Variants in ANGPTL6 observed in about 807,000 individuals in gnomAD.
ANGPTL6 encodes the protein angiopoietin-related protein 6.
In ANGPTL6, 45 loss-of-function variants were observed where a neutral mutation model predicts 47.4. The observed-to-expected ratio is 0.95, with a 90% CI of 0.75 to 1.22. The LOEUF (loss-of-function observed/expected upper bound fraction) is 1.22, where lower values mean the gene tolerates loss of function less well. Among genes scored for constraint, ANGPTL6 ranks in the 50% most tolerant of loss-of-function variants. The pLI is 0.00. For synonymous variants in ANGPTL6, 290 were observed against 295.9 expected, an observed-to-expected ratio of 0.98 and a Z score of 0.20; for missense variants, 698 against 669.4, an observed-to-expected ratio of 1.04 and a Z score of -0.47.
chr19:10,100,478 C>T (rs1443641919), intron 1 of ANGPTL6, among the ~76,000 whole-genome samples: 1 of 152,172 alleles, frequency 6.6e-6, no homozygotes, highest in Admixed American at 6.6e-5. Flanking sequence ...TCAAGTGATC[C>T]TCCCACCTTG....
Position 10,102,654 on chromosome 19 carries a change from G to A in ANGPTL6, c.-97C>T, listed in dbSNP as rs953705225. On this transcript the variant is annotated 5_prime_UTR_variant, in exon 1 of 6. Transcript: ENST00000253109. ...GAGCCGAGGGTCCAGTGGGGCCTCT[G>A]AGCTAGAGACGGGGAGAGGGCAGTG... The A allele has an allele frequency of 2.0e-6, 2 of 984,878 alleles. No homozygotes were observed. The highest frequency in any genetic ancestry group is 2.4e-6 in the Non-Finnish European group (2 of 829,536). 61.0% of individuals were successfully genotyped at this position (984,878 alleles called of 1,614,324 possible).
chr19:10,103,962 C>T (rs190538854), upstream of ANGPTL6, among the ~76,000 whole-genome samples: 4 of 150,478 alleles, frequency 2.7e-5, no homozygotes, highest in Non-Finnish European at 4.4e-5. Flanking sequence ...GTGTGGTGGC[C>T]CATGCCTGTA....
At chr19:10,094,506 A>C (rs1438680796) in intron 3 of ANGPTL6, 1 of 545,174 alleles carries the variant, frequency 1.8e-6, no homozygotes, top group Non-Finnish European at 3.2e-6. Flanking sequence ...TAAGTCCTGA[A>C]TATGATACTC....
At chr19:10,104,062 A>G (rs996206363), upstream of ANGPTL6, among the ~76,000 whole-genome samples, 1 of 147,416 alleles carries the variant, frequency 6.8e-6, no homozygotes, top group Non-Finnish European at 1.5e-5. Flanking sequence ...AGCCTGGGCG[A>G]CAGAGTAAGA....
chr19:10,102,396 C>A (rs1439873047), intron 1 of ANGPTL6, among the ~76,000 whole-genome samples, 172 bp downstream of exon 1: 1 of 151,382 alleles, frequency 6.6e-6, no homozygotes, highest in Non-Finnish European at 1.5e-5. Context: ...TGCCCCACCC[C>A]CCACAACAGA....
rs924573608 is a variant in ANGPTL6 at position 10,093,713 on chromosome 19, TGAA to T, written c.928_930del (p.Phe310del). On this transcript the variant is annotated inframe_deletion, in exon 4 of 6. Coordinates refer to ENST00000253109, the MANE Select transcript of ANGPTL6 (RefSeq NM_031917.3). ...CCCACCTTATAGTGCTGCCAGGTAG[TGAA>T]GAAGTTGACTGAACCATCTTGCCTC... is the stretch of plus-strand genomic sequence containing the variant. 5.0e-6 allele frequency: 8 copies of T among 1,614,240 alleles called. No individual in the cohort carries two copies. Among genetic ancestry groups the T allele is most frequent in the Non-Finnish European group, 6.8e-6 (8 of 1,180,042 alleles).
chr19:10,103,881 T>C (rs1176955088), upstream of ANGPTL6, among the ~76,000 whole-genome samples: 1 of 150,408 alleles, frequency 6.6e-6, no homozygotes, highest in African/African-American at 2.4e-5. Flanking sequence ...GATCACGAGG[T>C]CAGCAATTCG....
At position 10,092,564 on chromosome 19, in the gene ANGPTL6, G is replaced by A. The variant is rs1386100935; in HGVS notation, c.*25C>T. On this transcript the variant is annotated 3_prime_UTR_variant, in exon 6 of 6. Transcript: ENST00000253109. Reference sequence around the variant, plus strand: ...CTCCTGCTGACCAATGTCCTCTAGGGCCTAGGGGACAGAGGAACACAGAGT... The same window carrying A: ...CTCCTGCTGACCAATGTCCTCTAGGACCTAGGGGACAGAGGAACACAGAGT... The A allele has an allele frequency of 6.3e-7, 1 of 1,583,962 alleles. No individual in the cohort carries two copies. Among genetic ancestry groups the A allele is most frequent in the African/African-American group, 1.3e-5 (1 of 74,452 alleles).
At chr19:10,101,081 C>T (rs2088665891) in intron 1 of ANGPTL6, among the ~76,000 whole-genome samples, 3 of 151,986 alleles carry the variant, frequency 2.0e-5, no homozygotes, top group East Asian at 3.9e-4. Flanking sequence ...TAGTGGCACG[C>T]GCCTGTAGTC....
Position 10,096,097 on chromosome 19 carries a change from C to T in ANGPTL6, c.467G>A (p.Arg156Gln). Residue 156 changes from arginine (R) to glutamine (Q), a missense_variant, in exon 2 of 6, where the codon CGG becomes CAG. Coordinates refer to ENST00000253109, the MANE Select transcript of ANGPTL6 (RefSeq NM_031917.3). ...GAACTTGACGTCCAGCTGGTGGAACCGGGCGGCTGCGCGCTGAGCCTCGGC... is the reference window on the plus strand; with the variant it reads ...GAACTTGACGTCCAGCTGGTGGAACTGGGCGGCTGCGCGCTGAGCCTCGGC... ...ASAEAQRAAA[R>Q]FHQLDVKFRE... The T allele has an allele frequency of 6.7e-7, 1 of 1,489,944 alleles. No individual in the cohort carries two copies. Among genetic ancestry groups the T allele is most frequent in the Non-Finnish European group, 8.9e-7 (1 of 1,122,178 alleles). The allele number at this position is 1,489,944 out of a possible 1,614,324, so 92.3% of individuals were successfully genotyped here.
Position 10,092,511 on chromosome 19 carries a change from AAAG to A in ANGPTL6, c.*75_*77del. 1 of 1,532,860 alleles carries A rather than the reference AAAG, an allele frequency of 6.5e-7. No homozygotes were observed. The allele number at this position is 1,532,860 out of a possible 1,614,324, so 95.0% of individuals were successfully genotyped here. A position where few individuals can be genotyped will look rare whatever the true frequency, so the allele number is the denominator to read the frequency against. ...GTGGGACACATTGGCACTGAGCCAC[AAAG>A]AAGGTGTGGCCAGAACAACTTGGGC... On this transcript the variant is annotated 3_prime_UTR_variant, in exon 6 of 6. Transcript: ENST00000253109.
At chr19:10,103,611 AT>A (rs1289068569), upstream of ANGPTL6, among the ~76,000 whole-genome samples, 3 of 29,168 alleles carry the variant, frequency 1.0e-4, no homozygotes, top group African/African-American at 1.4e-3. Flanking sequence ...AAATAAATAA[AT>A]AAATAAATAA....
intron 1 of ANGPTL6, among the ~76,000 whole-genome samples, chr19:10,097,267 A>C (rs1298022875): frequency 1.3e-5 from 2 of 152,118 alleles, no homozygotes; most frequent in Admixed American, 6.6e-5. Flanking sequence ...TTAGCTGGGC[A>C]TGGTGGCAAG....
chr19:10,100,014 CA>C (rs1451426672), intron 1 of ANGPTL6, among the ~76,000 whole-genome samples: 1 of 150,982 alleles, frequency 6.6e-6, no homozygotes, highest in East Asian at 2.0e-4. Context: ...CATGCGCCAC[CA>C]CACCCAGCTA....
intron 1 of ANGPTL6, among the ~76,000 whole-genome samples, chr19:10,098,177 C>G (rs1443724890): frequency 6.6e-6 from 1 of 151,982 alleles, no homozygotes. Flanking sequence ...ACCCACCATG[C>G]CCTGCTAATT....
rs992216016 is a variant in ANGPTL6, at chr19:10,096,297, C to T, written c.267G>A (p.Val89=). 41 of 1,231,196 alleles carry T rather than the reference C, an allele frequency of 3.3e-5. No homozygotes were observed. Among genetic ancestry groups the T allele is most frequent in the Non-Finnish European group, 4.0e-5 (40 of 988,918 alleles). 76.3% of individuals were successfully genotyped at this position (1,231,196 alleles called of 1,614,324 possible). The change falls in exon 2 of 6, where the codon GTG becomes GTA. Residue 89 remains valine, a synonymous_variant. Transcript: ENST00000253109. ...TGCGCAGCGCGCGCACCTCGCCGGC[C>T]ACGGCGCCGTCGGCCGCCGCCAGCC... ...LQRLAAADGA[V]AGEVRALRKE...
chr19:10,100,678 C>A (rs2088656607), intron 1 of ANGPTL6, among the ~76,000 whole-genome samples: 1 of 152,216 alleles, frequency 6.6e-6, no homozygotes, highest in Non-Finnish European at 1.5e-5. Flanking sequence ...GCAATGAGGA[C>A]ACAGCCTTAA....
upstream of ANGPTL6, among the ~76,000 whole-genome samples, chr19:10,104,646 A>G (rs1222166172): frequency 1.3e-5 from 2 of 152,306 alleles, no homozygotes; most frequent in East Asian, 3.9e-4. Flanking sequence ...TTTCATAAAT[A>G]AAGGATATCT....
chr19:10,092,530 C>A lies in ANGPTL6; in HGVS notation c.*59G>T, dbSNP rs1599279443. The A allele has an allele frequency of 6.5e-7, 1 of 1,546,614 alleles. No homozygotes were observed. The highest frequency in any genetic ancestry group is 8.8e-7 in the Non-Finnish European group (1 of 1,142,754). ...AGCCACAAAGAAGGTGTGGCCAGAA[C>A]AACTTGGGCTCCTGCTGACCAATGT... is the stretch of plus-strand genomic sequence containing the variant. On this transcript the variant is annotated 3_prime_UTR_variant, in exon 6 of 6. Transcript: ENST00000253109.
Sources: gnomAD v4.1 joint callset for allele counts (sites outside exome capture counted in the v4.1 genomes callset) on GRCh38, gnomAD v4.1.1 for gene constraint, MANE v1.5 for transcripts, NCBI Gene and HGNC (gene_info 2026-07-23, HGNC 2026-07-21) for gene names.